Variants in BBS9 observed in about 807,000 individuals in gnomAD.
BBS9 encodes Bardet-Biedl syndrome 9.
A neutral mutation model predicts 117.7 loss-of-function variants in BBS9; 89 were observed. The ratio of observed to expected loss-of-function variants is 0.76; its 90% confidence interval spans 0.64 to 0.90. The LOEUF (loss-of-function observed/expected upper bound fraction) is 0.90, where lower values mean the gene tolerates loss of function less well. Among genes scored for constraint, BBS9 ranks in the 40% least tolerant of loss-of-function variants. The pLI is 0.00. For missense variants in BBS9, 982 were observed against 1,042.2 expected (o/e 0.94, Z 0.80); for synonymous variants, 379 against 370.9 (o/e 1.02, Z -0.25).
chr7:33,165,251 T>G (rs926062001), intron 4 of BBS9, among the ~76,000 whole-genome samples: 1 of 152,208 alleles, frequency 6.6e-6, no homozygotes, highest in African/African-American at 2.4e-5. Context: ...TCTTTCTGGC[T>G]GCCCTTAACA....
At chr7:33,336,677 T>C in intron 10 of BBS9, 55 bp downstream of exon 10, 1 of 1,177,520 alleles carries the variant, frequency 8.5e-7, no homozygotes, top group Non-Finnish European at 1.2e-6. Flanking sequence ...ATTCATATTA[T>C]CTTGTAGATA....
chr7:33,410,837 C>A (rs1051337097), intron 19 of BBS9, among the ~76,000 whole-genome samples: 4 of 151,496 alleles, frequency 2.6e-5, no homozygotes, highest in Non-Finnish European at 5.9e-5. Context: ...CCTCCTACAA[C>A]TTTTCTTTGT....
chr7:33,590,439 G>GTTTGTGTT (rs1861659999), intron 21 of BBS9, among the ~76,000 whole-genome samples: 1 of 77,146 alleles, frequency 1.3e-5, no homozygotes, highest in African/African-American at 1.1e-4. Context: ...ACTGGCCACT[G>GTTTGTGTT]TTTGTTTTTT....
chr7:33,563,555 A>G (rs1172377212), intron 21 of BBS9, among the ~76,000 whole-genome samples: 1 of 152,140 alleles, frequency 6.6e-6, no homozygotes, highest in Non-Finnish European at 1.5e-5. Context: ...TTGTACAACT[A>G]CTCTCTATCT....
chr7:33,550,378 T>C lies in BBS9; in HGVS notation c.2521+16202T>C, dbSNP rs183120967. ...ATCAATTACTCATGTGAGACAGTCATTAAGACTTATTTTATATTGCATTAT... is the reference window on the plus strand; with the variant it reads ...ATCAATTACTCATGTGAGACAGTCACTAAGACTTATTTTATATTGCATTAT... On this transcript the variant is annotated intron_variant, in intron 21 of 22. Coordinates refer to ENST00000242067, the MANE Select transcript of BBS9 (RefSeq NM_198428.3). Among the ~76,000 whole-genome samples the C allele has an allele frequency of 1.1e-3, 163 of 152,342 alleles. 2 individuals carry two copies. The highest frequency in any genetic ancestry group is 3.7e-3 in the African/African-American group (154 of 41,582).
intron 19 of BBS9, among the ~76,000 whole-genome samples, chr7:33,451,158 G>C (rs943455344): frequency 5.3e-5 from 8 of 152,072 alleles, no homozygotes; most frequent in Non-Finnish European, 1.0e-4. Context: ...AAAGTGCTGG[G>C]ATTACAGGTG....
chr7:33,289,249 G>C (rs1237325739), intron 9 of BBS9, among the ~76,000 whole-genome samples: 2 of 152,180 alleles, frequency 1.3e-5, no homozygotes, highest in African/African-American at 4.8e-5. Flanking sequence ...CTGAGGGGTG[G>C]AAGGGCCTGG....
At chr7:33,530,227 G>T (rs534588513) in intron 20 of BBS9, among the ~76,000 whole-genome samples, 1 of 152,116 alleles carries the variant, frequency 6.6e-6, no homozygotes, top group Non-Finnish European at 1.5e-5. Flanking sequence ...TATTTTAGTG[G>T]CAATCTTTCT....
chr7:33,592,944 G>A lies in BBS9; in HGVS notation c.2522-11921G>A, dbSNP rs1198380213. ...GAGAAATTATTATTGCAGAACCATT[G>A]GCTTCCTTTCTTTCTCAACTGTAGC... On this transcript the variant is annotated intron_variant, in intron 21 of 22. Coordinates refer to ENST00000242067, the MANE Select transcript of BBS9 (RefSeq NM_198428.3). Among the ~76,000 whole-genome samples the A allele has an allele frequency of 6.6e-5, 10 of 151,978 alleles. 1 individual carries two copies. Among genetic ancestry groups the A allele is most frequent in the Non-Finnish European group, 1.0e-4 (7 of 67,958 alleles).
intron 21 of BBS9, among the ~76,000 whole-genome samples, chr7:33,536,125 G>A (rs1851325606): frequency 6.6e-6 from 1 of 152,218 alleles, no homozygotes; most frequent in African/African-American, 2.4e-5. Context: ...AAGATGGACA[G>A]TGTGTTTGTT....
intron 19 of BBS9, among the ~76,000 whole-genome samples, chr7:33,414,530 A>G (rs1263982361): frequency 6.6e-6 from 1 of 152,150 alleles, no homozygotes; most frequent in Non-Finnish European, 1.5e-5. Context: ...ACATGCATGC[A>G]TTATTTTAAA....
chr7:33,206,430 T>C (rs560623411), intron 5 of BBS9, among the ~76,000 whole-genome samples: 1 of 152,298 alleles, frequency 6.6e-6, no homozygotes, highest in Non-Finnish European at 1.5e-5. Flanking sequence ...GCTAAGACAT[T>C]ATTATATTTC....
intron 5 of BBS9, among the ~76,000 whole-genome samples, chr7:33,227,882 A>G (rs1302211091): frequency 2.0e-4 from 31 of 152,100 alleles, no homozygotes. Flanking sequence ...GGCTGATTCT[A>G]TATCTTTGCA....
chr7:33,462,951 T>G (rs1839681955), intron 19 of BBS9, among the ~76,000 whole-genome samples: 1 of 152,140 alleles, frequency 6.6e-6, no homozygotes, highest in Non-Finnish European at 1.5e-5. Context: ...ACAATCACTT[T>G]GCACGTTAAA....
chr7:33,384,019 G>A (rs1825568979), intron 18 of BBS9, among the ~76,000 whole-genome samples, 181 bp downstream of exon 18: 1 of 152,178 alleles, frequency 6.6e-6, no homozygotes, highest in African/African-American at 2.4e-5. Flanking sequence ...ATCAATTACA[G>A]ACATTTACAG....
intron 1 of BBS9, among the ~76,000 whole-genome samples, chr7:33,137,087 C>T (rs1377612796): frequency 6.6e-6 from 1 of 152,158 alleles, no homozygotes; most frequent in Non-Finnish European, 1.5e-5. Flanking sequence ...TACCCAAGCC[C>T]TCAGCTCCTC....
chr7:33,154,600 G>T (rs1793834021), intron 3 of BBS9, among the ~76,000 whole-genome samples: 1 of 152,044 alleles, frequency 6.6e-6, no homozygotes, highest in Non-Finnish European at 1.5e-5. Context: ...CAAGTAGCTG[G>T]GACTACAGGC....
intron 5 of BBS9, among the ~76,000 whole-genome samples, chr7:33,223,531 C>T (rs17170120): frequency 0.12 from 18,270 of 152,226 alleles, 1,317 homozygotes; most frequent in African/African-American, 0.2. Context: ...GGATTGAATT[C>T]ATGCTTCACT....
At chr7:33,629,632 C>T (rs1865795719) in intron 21 of BBS9, among the ~76,000 whole-genome samples, 1 of 152,144 alleles carries the variant, frequency 6.6e-6, no homozygotes, top group African/African-American at 2.4e-5. Flanking sequence ...ATAGTAGGAG[C>T]TCAAGTGATA....
Sources: allele counts gnomAD v4.1 joint callset (sites outside exome capture counted in the v4.1 genomes callset), GRCh38; gene constraint gnomAD v4.1.1; transcripts MANE v1.5; gene names NCBI Gene and HGNC (gene_info 2026-07-23, HGNC 2026-07-21).